The following ADGRL4 variants were observed in gnomAD, a reference collection of about 807,000 sequenced individuals.
ADGRL4 encodes EGF, latrophilin and seven transmembrane domain containing 1.
Under a neutral mutation model 74.8 loss-of-function variants are expected in ADGRL4, and 90 were observed. That is an observed-to-expected ratio of 1.20 (90% CI 1.02 to 1.43). The LOEUF is 1.43. ADGRL4 is among the 40% of genes most tolerant of loss of function. The pLI is 0.00. For synonymous variants in ADGRL4, 311 were observed against 279.2 expected, an observed-to-expected ratio of 1.11 and a Z score of -1.14; for missense variants, 881 against 814.3, an observed-to-expected ratio of 1.08 and a Z score of -1.00.
chr1:78,898,870 T>A (rs1416180120), intron 12 of ADGRL4, among the ~76,000 whole-genome samples: 1 of 152,154 alleles, frequency 6.6e-6, no homozygotes, highest in East Asian at 1.9e-4. Context: ...TTAAAATTTT[T>A]TAAGTGTCTT....
intron 2 of ADGRL4, among the ~76,000 whole-genome samples, chr1:78,990,580 T>C (rs575330861): frequency 2.0e-5 from 3 of 152,058 alleles, no homozygotes; most frequent in South Asian, 2.1e-4. Flanking sequence ...TTGTTGACTA[T>C]AAAACAACAA....
chr1:78,892,024 T>A (rs563980613), intron 13 of ADGRL4, among the ~76,000 whole-genome samples: 1 of 152,258 alleles, frequency 6.6e-6, no homozygotes, highest in Non-Finnish European at 1.5e-5. Context: ...TGATTTCAAA[T>A]GTAATGTTGC....
intron 2 of ADGRL4, among the ~76,000 whole-genome samples, chr1:78,975,436 C>A (rs1262783929): frequency 1.3e-5 from 2 of 151,916 alleles, no homozygotes; most frequent in African/African-American, 4.8e-5. Context: ...CCTCTTTGTC[C>A]CTTAAACAAT....
rs191397873 is a variant in ADGRL4 at position 78,897,476 on chromosome 1, C to T, written c.1750-4287G>A. 2.6e-5 allele frequency among the ~76,000 whole-genome samples: 4 copies of T among 152,212 alleles called. No homozygotes were observed. In the East Asian group the frequency reaches 7.7e-4, roughly 29 times the overall value. ...TCCTCTTACCCATGTTGTCTCTTCTCAGTAATTATTCCATTACCCTTAACT... is the reference window on the plus strand; with the variant it reads ...TCCTCTTACCCATGTTGTCTCTTCTTAGTAATTATTCCATTACCCTTAACT... On this transcript the variant is annotated intron_variant, in intron 12 of 14. Coordinates refer to ENST00000370742, the MANE Select transcript of ADGRL4 (RefSeq NM_022159.4).
chr1:78,892,153 C>A (rs1282105089), intron 13 of ADGRL4, among the ~76,000 whole-genome samples: 2 of 152,198 alleles, frequency 1.3e-5, no homozygotes, highest in Non-Finnish European at 2.9e-5. Flanking sequence ...AAAGGAGGCT[C>A]TGCTTTTCTT....
In ADGRL4 at chr1:78,988,478, A is replaced by G. The variant is rs565986006; in HGVS notation, c.172+16592T>C. Among the ~76,000 whole-genome samples the G allele has an allele frequency of 9.4e-4, 143 of 152,026 alleles. 1 individual carries two copies. The highest frequency in any genetic ancestry group is 1.3e-3 in the Non-Finnish European group (90 of 67,860). ...GCAATGAGCAAATATTAGATCATCT[A>G]CAGTTAACATAAATTAAACTGTAAC... On this transcript the variant is annotated intron_variant, in intron 2 of 14. Transcript: ENST00000370742.
chr1:78,912,111 A>C (rs1211637995), intron 12 of ADGRL4, among the ~76,000 whole-genome samples: 2 of 151,918 alleles, frequency 1.3e-5, no homozygotes, highest in Non-Finnish European at 2.9e-5. Flanking sequence ...AGCTCCCCAA[A>C]GACCACATTG....
intron 2 of ADGRL4, among the ~76,000 whole-genome samples, chr1:78,993,572 A>AT (rs201803350): frequency 8.7e-4 from 73 of 84,082 alleles, no homozygotes; most frequent in East Asian, 2.6e-3. Flanking sequence ...CAAAAATTCC[A>AT]TTTTTTTTTT....
rs200284765 is a variant in ADGRL4 at position 78,917,835 on chromosome 1, G to T, written c.1677C>A (p.Thr559=). The T allele has an allele frequency of 5.3e-5, 85 of 1,611,602 alleles. No homozygotes were observed. Among genetic ancestry groups the T allele is most frequent in the Non-Finnish European group, 6.8e-5 (80 of 1,178,384 alleles). The change falls in exon 11 of 15, where the codon ACC becomes ACA. Residue 559 remains threonine (T), a synonymous_variant. Coordinates refer to ENST00000370742, the MANE Select transcript of ADGRL4 (RefSeq NM_022159.4). ...AALGYRYYGT[T]KVCWLSTENN... The stretch of plus-strand genomic sequence containing the variant: ...ATGAAATCATTTTAACTTACACTTT[G>T]GTTGTGCCATAATATCTGTATCCTA...
At position 78,992,288 on chromosome 1, in the gene ADGRL4, T is replaced by C. The variant is rs145666935; in HGVS notation, c.172+12782A>G. Reference sequence around the variant, plus strand: ...AACTTTTAAACAATTATAAAGAGAATCTATGAAACTGTACACTAATCCGGA... The same window carrying C: ...AACTTTTAAACAATTATAAAGAGAACCTATGAAACTGTACACTAATCCGGA... On this transcript the variant is annotated intron_variant, in intron 2 of 14. Coordinates refer to ENST00000370742, the MANE Select transcript of ADGRL4 (RefSeq NM_022159.4). 1.2e-3 allele frequency among the ~76,000 whole-genome samples: 190 copies of C among 152,168 alleles called. 3 individuals are homozygous for C. The Middle Eastern group carries it at 0.034, about 27-fold the overall frequency.
intron 12 of ADGRL4, among the ~76,000 whole-genome samples, chr1:78,897,310 G>C (rs1184795000): frequency 6.6e-6 from 1 of 152,078 alleles, no homozygotes; most frequent in Non-Finnish European, 1.5e-5. Flanking sequence ...TTTCTGATAA[G>C]TCAGTTTAGA....
chr1:78,981,300 A>G (rs1033067033), intron 2 of ADGRL4, among the ~76,000 whole-genome samples: 1 of 151,988 alleles, frequency 6.6e-6, no homozygotes, highest in African/African-American at 2.4e-5. Flanking sequence ...AATGAATGCG[A>G]AGTGTTTCAC....
chr1:78,920,126 C>T, intron 10 of ADGRL4, 57 bp downstream of exon 10: 1 of 1,279,218 alleles, frequency 7.8e-7, no homozygotes, highest in Non-Finnish European at 1.1e-6. Context: ...AGGACATATA[C>T]ATTTAAGAAA....
chr1:78,892,119 G>C (rs898921581), intron 13 of ADGRL4, among the ~76,000 whole-genome samples: 3 of 152,076 alleles, frequency 2.0e-5, no homozygotes, highest in African/African-American at 7.2e-5. Flanking sequence ...ATGTGGACTG[G>C]GGTCAGCACA....
At chr1:78,937,183 G>A (rs1241250882) in intron 6 of ADGRL4, among the ~76,000 whole-genome samples, 1 of 152,194 alleles carries the variant, frequency 6.6e-6, no homozygotes, top group Non-Finnish European at 1.5e-5. Flanking sequence ...GGTGGCTCAT[G>A]CCTGTAATCC....
Position 78,993,451 on chromosome 1 carries a change from T to C in ADGRL4, c.172+11619A>G, listed in dbSNP as rs187449490. ...AGTTGTGTTTATGAAGTTTGGTTCA[T>C]TGGAAGTGAATGATAAATGTGAGAC... is the stretch of plus-strand genomic sequence containing the variant. On this transcript the variant is annotated intron_variant, in intron 2 of 14. Coordinates refer to ENST00000370742, the MANE Select transcript of ADGRL4 (RefSeq NM_022159.4). 3.7e-3 allele frequency among the ~76,000 whole-genome samples: 567 copies of C among 152,308 alleles called. 5 individuals carry two copies. Among genetic ancestry groups the C allele is most frequent in the Non-Finnish European group, 6.5e-3 (439 of 68,028 alleles).
chr1:78,902,796 G>C (rs1648546712), intron 12 of ADGRL4, among the ~76,000 whole-genome samples: 1 of 152,102 alleles, frequency 6.6e-6, no homozygotes, highest in South Asian at 2.1e-4. Flanking sequence ...TGAAGGCCTT[G>C]TTAATAGCTA....
chr1:78,967,137 C>A (rs1003174723), intron 2 of ADGRL4, among the ~76,000 whole-genome samples: 2 of 152,106 alleles, frequency 1.3e-5, no homozygotes, highest in Non-Finnish European at 2.9e-5. Flanking sequence ...TGACTTTAAT[C>A]TTTGAGAAAT....
chr1:78,938,243 C>T lies in ADGRL4; in HGVS notation c.433G>A (p.Glu145Lys), dbSNP rs1649400131. Residue 145 changes from glutamate (E) to lysine (K), a missense_variant, in exon 5 of 15, where the codon GAA becomes AAA. Glu to Lys is a moderately conservative substitution (Grantham distance 56). Coordinates refer to ENST00000370742, the MANE Select transcript of ADGRL4 (RefSeq NM_022159.4). ...TCTGTCACAGAATTTCTATAGACTT[C>T]TTGTAGCAAAGCCACAGGTTCTTTT... is the stretch of plus-strand genomic sequence containing the variant. ...SIKEPVALLQ[E>K]VYRNSVTDLS... is the part of the protein sequence containing the mutation. The T allele has an allele frequency of 6.2e-7, 1 of 1,605,906 alleles. No homozygotes were observed. The highest frequency in any genetic ancestry group is 1.1e-5 in the South Asian group (1 of 88,472).
Sources: allele counts gnomAD v4.1 joint callset (sites outside exome capture counted in the v4.1 genomes callset), GRCh38; gene constraint gnomAD v4.1.1; transcripts MANE v1.5; gene names NCBI Gene and HGNC (gene_info 2026-07-23, HGNC 2026-07-21).